Variants in GORASP2 observed in about 807,000 individuals in gnomAD.
GORASP2 encodes the protein Golgi reassembly-stacking protein 2.
In GORASP2, 22 loss-of-function variants were observed where a neutral mutation model predicts 45.7. The observed-to-expected ratio is 0.48, with a 90% CI of 0.34 to 0.69. The LOEUF is 0.69. GORASP2 is among the 30% of genes least tolerant of loss of function. GORASP2 has a pLI of 0.01. For missense variants in GORASP2, 491 were observed against 562.7 expected (o/e 0.87, Z 1.29); for synonymous variants, 221 against 215.6 (o/e 1.02, Z -0.22).
intron 1 of GORASP2, among the ~76,000 whole-genome samples, chr2:170,936,904 T>C (rs1703971691): frequency 6.6e-6 from 1 of 152,150 alleles, no homozygotes; most frequent in South Asian, 2.1e-4. Flanking sequence ...ATTAATTCGT[T>C]AATTTTTTTA....
chr2:170,963,094 A>T, intron 9 of GORASP2, 148 bp downstream of exon 9: 2 of 632,544 alleles, frequency 3.2e-6, no homozygotes, highest in Non-Finnish European at 5.7e-6. Context: ...TTTGTTTAAA[A>T]AGCTTAAGAG....
chr2:170,952,485 T>C (rs1034090416), intron 5 of GORASP2, among the ~76,000 whole-genome samples: 8 of 152,202 alleles, frequency 5.3e-5, no homozygotes, highest in Non-Finnish European at 1.2e-4. Flanking sequence ...TTAAATCTTA[T>C]TTCTCTTAAT....
chr2:170,955,506 T>C (rs1252453489), intron 6 of GORASP2, among the ~76,000 whole-genome samples: 1 of 152,218 alleles, frequency 6.6e-6, no homozygotes, highest in Non-Finnish European at 1.5e-5. Context: ...AACTCTTGTC[T>C]GCACCACTAA....
chr2:170,947,627 C>A lies in GORASP2; in HGVS notation c.64-723C>A, dbSNP rs540143556. Among the ~76,000 whole-genome samples the A allele has an allele frequency of 3.9e-4, 59 of 152,126 alleles. 1 individual carries two copies. The highest frequency in any genetic ancestry group is 9.8e-4 in the Admixed American group (15 of 15,280). On this transcript the variant is annotated intron_variant, in intron 1 of 9. Coordinates refer to ENST00000234160, the MANE Select transcript of GORASP2 (RefSeq NM_015530.5). ...AACAGATTATAAATGTCTTGACATACGTGACTATGTGCCTGTATTTGCTTT... is the reference window on the plus strand; with the variant it reads ...AACAGATTATAAATGTCTTGACATAAGTGACTATGTGCCTGTATTTGCTTT...
chr2:170,945,421 C>A (rs1359139427), intron 1 of GORASP2, among the ~76,000 whole-genome samples: 1 of 150,716 alleles, frequency 6.6e-6, no homozygotes. Context: ...ACACGTGTCC[C>A]AGCTGCTTGG....
intron 5 of GORASP2, 142 bp from the exon 6 acceptor site, chr2:170,954,508 T>C (rs1307295491): frequency 1.6e-6 from 1 of 633,710 alleles, no homozygotes; most frequent in South Asian, 2.1e-5. Flanking sequence ...TGTTTTTATC[T>C]TTTAAAATCT....
At chr2:170,952,910 A>G (rs1220377436) in intron 5 of GORASP2, among the ~76,000 whole-genome samples, 1 of 152,198 alleles carries the variant, frequency 6.6e-6, no homozygotes, top group Non-Finnish European at 1.5e-5. Context: ...TCTTCGCTTC[A>G]AGCAATCTTC....
intron 1 of GORASP2, chr2:170,930,016 A>G (rs1703781463): frequency 6.6e-6 from 2 of 303,250 alleles, no homozygotes; most frequent in African/African-American, 4.6e-5. Context: ...GACCCTCCCA[A>G]ACCTTCTCAA....
intron 9 of GORASP2, among the ~76,000 whole-genome samples, chr2:170,964,545 C>T (rs962213856): frequency 6.6e-6 from 1 of 151,876 alleles, no homozygotes; most frequent in Admixed American, 6.6e-5. Context: ...CCCAGCTACT[C>T]GGGAAGGTGA....
Position 170,966,177 on chromosome 2 carries a change from G to A in GORASP2, c.*47G>A, listed in dbSNP as rs1332230579. 1.5e-6 allele frequency: 2 copies of A among 1,354,742 alleles called. No individual in the cohort carries two copies. Among genetic ancestry groups the A allele is most frequent in the Non-Finnish European group, 2.1e-6 (2 of 944,422 alleles). The allele number at this position is 1,354,742 out of a possible 1,614,324, so 83.9% of individuals were successfully genotyped here. On this transcript the variant is annotated 3_prime_UTR_variant, in exon 10 of 10. Transcript: ENST00000234160. Reference sequence around the variant, plus strand: ...TGGCGTGGTATATTTAACCACGGGAGCGTGTCTGGAAACGCAAACTATCAT... The same window carrying A: ...TGGCGTGGTATATTTAACCACGGGAACGTGTCTGGAAACGCAAACTATCAT...
At chr2:170,959,328 T>A (rs1183426905) in intron 7 of GORASP2, among the ~76,000 whole-genome samples, 1 of 152,242 alleles carries the variant, frequency 6.6e-6, no homozygotes, top group Non-Finnish European at 1.5e-5. Context: ...CTCTTCGACA[T>A]TTTAAATCTT....
At chr2:170,949,862 C>A in intron 3 of GORASP2, 120 bp downstream of exon 3, 1 of 830,578 alleles carries the variant, frequency 1.2e-6, no homozygotes, top group Non-Finnish European at 2.0e-6. Flanking sequence ...CAATTTTTGC[C>A]AAAAATCAGC....
At chr2:170,931,668 A>T (rs1276621242) in intron 1 of GORASP2, among the ~76,000 whole-genome samples, 2 of 152,242 alleles carry the variant, frequency 1.3e-5, no homozygotes, top group Non-Finnish European at 2.9e-5. Flanking sequence ...TTTTGATTTC[A>T]TGAGTCCCTA....
At position 170,942,914 on chromosome 2, in the gene GORASP2, G is replaced by T. The variant is rs181324555; in HGVS notation, c.64-5436G>T. 6.6e-5 allele frequency among the ~76,000 whole-genome samples: 10 copies of T among 152,302 alleles called. No homozygotes were observed. In the East Asian group the frequency reaches 1.5e-3, roughly 23 times the overall value. ...TGGTCATTCCAGTGGACAAGAAATA[G>T]TATCTTGCGGTTTTATTGTCTGTCT... On this transcript the variant is annotated intron_variant, in intron 1 of 9. Coordinates refer to ENST00000234160, the MANE Select transcript of GORASP2 (RefSeq NM_015530.5).
intron 1 of GORASP2, among the ~76,000 whole-genome samples, chr2:170,945,733 A>G (rs1386473159): frequency 6.6e-6 from 1 of 152,164 alleles, no homozygotes; most frequent in Non-Finnish European, 1.5e-5. Context: ...ACAATACTAT[A>G]ATTTGGCGTA....
At position 170,947,853 on chromosome 2, in the gene GORASP2, G is replaced by A. The variant is rs538777286; in HGVS notation, c.64-497G>A. 3.9e-4 allele frequency among the ~76,000 whole-genome samples: 59 copies of A among 152,332 alleles called. 1 individual carries two copies. Among genetic ancestry groups the A allele is most frequent in the African/African-American group, 1.3e-3 (56 of 41,592 alleles). ...AAGATGAACTAGGCCCGGTGCAGTG[G>A]CTCACACCTGTAATCCCAGCACTTT... On this transcript the variant is annotated intron_variant, in intron 1 of 9. Coordinates refer to ENST00000234160, the MANE Select transcript of GORASP2 (RefSeq NM_015530.5).
chr2:170,941,274 T>G (rs943493293), intron 1 of GORASP2, among the ~76,000 whole-genome samples: 4 of 152,226 alleles, frequency 2.6e-5, no homozygotes, highest in Non-Finnish European at 5.9e-5. Flanking sequence ...TATTATTTTG[T>G]AAGCATAATT....
At chr2:170,936,094 G>A (rs150896894) in intron 1 of GORASP2, among the ~76,000 whole-genome samples, 2 of 152,080 alleles carry the variant, frequency 1.3e-5, no homozygotes, top group East Asian at 3.9e-4. Flanking sequence ...TAGAATAACC[G>A]TTAACATCAG....
At chr2:170,962,075 C>G (rs530557944) in intron 8 of GORASP2, among the ~76,000 whole-genome samples, 1 of 152,198 alleles carries the variant, frequency 6.6e-6, no homozygotes, top group African/African-American at 2.4e-5. Context: ...TCCACTGTCT[C>G]CTTAGTGAGG....
Sources: allele counts gnomAD v4.1 joint callset (sites outside exome capture counted in the v4.1 genomes callset), GRCh38; gene constraint gnomAD v4.1.1; transcripts MANE v1.5; gene names NCBI Gene and HGNC (gene_info 2026-07-23, HGNC 2026-07-21).